ADGRE5: variants seen among roughly 807,000 people sequenced by gnomAD.
ADGRE5 encodes adhesion G protein-coupled receptor E5, also known as CD97 molecule.
A neutral mutation model predicts 100.3 loss-of-function variants in ADGRE5; 72 were observed. That is an observed-to-expected ratio of 0.72 (90% CI 0.59 to 0.87). The LOEUF (loss-of-function observed/expected upper bound fraction) is 0.87, where lower values mean the gene tolerates loss of function less well. Ranked by LOEUF, ADGRE5 falls within the 40% of genes least tolerant of loss-of-function variation. The pLI is 0.00. For missense variants in ADGRE5, 959 were observed against 1,094.7 expected, an observed-to-expected ratio of 0.88 and a Z score of 1.75; for synonymous variants, 439 against 447.8, an observed-to-expected ratio of 0.98 and a Z score of 0.25.
chr19:14,381,591 G>A, intron 1 of ADGRE5, 46 bp downstream of exon 1: 5 of 1,582,064 alleles, frequency 3.2e-6, no homozygotes, highest in Middle Eastern at 1.7e-4. Context: ...AAGCTCCAGC[G>A]GGACCCCTTG....
intron 6 of ADGRE5, 159 bp downstream of exon 6, chr19:14,397,382 C>T: frequency 8.7e-7 from 1 of 1,152,290 alleles, no homozygotes; most frequent in Non-Finnish European, 1.2e-6. Context: ...AGCAAGGGTC[C>T]TCCGGAAGGA....
In ADGRE5 at chr19:14,402,770, A is replaced by G; in HGVS notation, c.1357A>G (p.Asn453Asp). ...SAVNSIFLSH[N>D]NTKELNSPIL... ...CGTCAACTCCATCTTTCTGAGCCAC[A>G]ACAACACCAAGGAACTCAACTCCCC... The change falls in exon 12 of 20, where the codon AAC becomes GAC. Residue 453 changes from asparagine (N) to aspartate (D), a missense_variant. Around this residue, in one of 6 missense-constraint regions of ADGRE5, gnomAD observed 246 missense variants for 242.2 expected, o/e 1.02. Coordinates refer to ENST00000242786, the MANE Select transcript of ADGRE5 (RefSeq NM_078481.4). The G allele has an allele frequency of 6.2e-7, 1 of 1,614,024 alleles. No homozygotes were observed. Among genetic ancestry groups the G allele is most frequent in the Non-Finnish European group, 8.5e-7 (1 of 1,179,992 alleles).
chr19:14,392,129 T>C (rs1975622543), intron 4 of ADGRE5, among the ~76,000 whole-genome samples: 1 of 123,304 alleles, frequency 8.1e-6, no homozygotes, highest in African/African-American at 3.1e-5. Flanking sequence ...AAAAGATAGG[T>C]TGGGTGCCAT....
chr19:14,408,309 C>G lies in ADGRE5; in HGVS notation c.*188C>G. 2 of 677,668 alleles carry G rather than the reference C, an allele frequency of 3.0e-6. No individual in the cohort carries two copies. Among genetic ancestry groups the G allele is most frequent in the East Asian group, 5.4e-5 (2 of 36,734 alleles). 42.0% of individuals were successfully genotyped at this position (677,668 alleles called of 1,614,324 possible). On this transcript the variant is annotated 3_prime_UTR_variant, in exon 20 of 20. Coordinates refer to ENST00000242786, the MANE Select transcript of ADGRE5 (RefSeq NM_078481.4). The stretch of plus-strand genomic sequence containing the variant: ...TCCAGGACACCCAGTGGGGTGGAGT[C>G]GGAGCCACTGGTCCTGCTGCTGGCT...
Position 14,401,487 on chromosome 19 carries a change from C to A in ADGRE5, c.999C>A (p.Asn333Lys), listed in dbSNP as rs1264493821. Residue 333 changes from asparagine (N) to lysine (K), a missense_variant, in exon 10 of 20, where the codon AAC becomes AAA. Physicochemically the swap from Asn to Lys is moderately conservative, Grantham distance 94. This residue lies in a region of ADGRE5 where 246 missense variants were observed against 242.2 expected (regional missense o/e 1.02). Transcript: ENST00000242786. The surrounding 1 kb of genome is among the most constrained non-coding windows in gnomAD (Gnocchi z 4.1). ...TCATAGCCACCCAGCTGCTCTCAAA[C>A]CTTGAAGATATCATGAGGATCCTGG... ...RHLIATQLLSNLEDIMRILAK... is the reference protein window; with the variant it reads ...RHLIATQLLSKLEDIMRILAK... 1 of 1,614,166 alleles carries A rather than the reference C, an allele frequency of 6.2e-7. No homozygotes were observed. Among genetic ancestry groups the A allele is most frequent in the Non-Finnish European group, 8.5e-7 (1 of 1,180,020 alleles).
At chr19:14,398,859 G>A (rs1411952162) in intron 9 of ADGRE5, among the ~76,000 whole-genome samples, 1 of 146,038 alleles carries the variant, frequency 6.8e-6, no homozygotes, top group Non-Finnish European at 1.5e-5. Flanking sequence ...TTTTTTATTT[G>A]GAAACAAGGT....
At chr19:14,385,554 CCT>C (rs978149737) in intron 1 of ADGRE5, among the ~76,000 whole-genome samples, 11 of 152,126 alleles carry the variant, frequency 7.2e-5, no homozygotes, top group African/African-American at 2.2e-4. Context: ...GGGGGAACCC[CCT>C]GAGTGCTGGG....
At chr19:14,402,904 G>A (rs1976073908) in intron 12 of ADGRE5, 42 bp downstream of exon 12, 2 of 1,602,962 alleles carry the variant, frequency 1.2e-6, no homozygotes, top group Admixed American at 3.3e-5. Flanking sequence ...ATAACCCAGG[G>A]CCTTCGCACA....
At chr19:14,386,858 CAA>C (rs779869603) in intron 1 of ADGRE5, among the ~76,000 whole-genome samples, 2 of 150,978 alleles carry the variant, frequency 1.3e-5, no homozygotes, top group African/African-American at 4.9e-5. Flanking sequence ...TACAAAAATA[CAA>C]AAAAATCAGC....
At chr19:14,395,345 G>T (rs138625969) in intron 4 of ADGRE5, among the ~76,000 whole-genome samples, 144 of 151,622 alleles carry the variant, frequency 9.5e-4, no homozygotes, top group African/African-American at 3.0e-3. Context: ...AGGGTTGGAT[G>T]AAGGAGGCGG....
intron 13 of ADGRE5, chr19:14,405,391 C>T: frequency 4.7e-6 from 1 of 212,242 alleles, no homozygotes; most frequent in Non-Finnish European, 9.3e-6. Flanking sequence ...GATCTGCCCC[C>T]CCTCAGCCTC....
intron 11 of ADGRE5, among the ~76,000 whole-genome samples, chr19:14,402,219 G>A (rs932039023): frequency 6.6e-5 from 10 of 151,740 alleles, no homozygotes; most frequent in South Asian, 2.1e-4. Flanking sequence ...TGGATCACCC[G>A]AGGTCAGGAG....
intron 1 of ADGRE5, among the ~76,000 whole-genome samples, chr19:14,386,120 G>A (rs916633243): frequency 9.2e-5 from 14 of 151,862 alleles, no homozygotes; most frequent in East Asian, 2.0e-4. Context: ...AGGGCCTGGC[G>A]GCTTGTGCCA....
chr19:14,402,515 C>T lies in ADGRE5; in HGVS notation c.1184-82C>T, dbSNP rs73517817. 3.4e-3 allele frequency: 5,052 copies of T among 1,467,366 alleles called. 123 individuals carry two copies. In the African/African-American group the frequency reaches 0.056, roughly 16 times the overall value. The allele number at this position is 1,467,366 out of a possible 1,614,324, so 90.9% of individuals were successfully genotyped here. ...CGTCATCGTGGTGGACTGGCTGAGC[C>T]TGAGCTGGGTCATCTTGGGAGGGAG... is the stretch of plus-strand genomic sequence containing the variant. On this transcript the variant is annotated intron_variant, in intron 11 of 19. Transcript: ENST00000242786.
rs1222442582 is a variant in ADGRE5, at chr19:14,401,568, G to A, written c.1075+5G>A. 6.2e-7 allele frequency: 1 copy of A among 1,613,774 alleles called. No individual in the cohort carries two copies. The highest frequency in any genetic ancestry group is 8.5e-7 in the Non-Finnish European group (1 of 1,179,780). On this transcript the variant is annotated splice_donor_5th_base_variant and intron_variant, in intron 10 of 19. Transcript: ENST00000242786. This position sits in a 1 kb window ranked among gnomAD's most constrained non-coding sequence, Gnocchi z 4.1. ...ACATTTCCCCTTCGAACACAGGTGAGGCCTTGGCCTGGCCTGCCCTGCCCC... is the reference window on the plus strand; with the variant it reads ...ACATTTCCCCTTCGAACACAGGTGAAGCCTTGGCCTGGCCTGCCCTGCCCC...
chr19:14,390,149 G>C (rs1381135399), intron 3 of ADGRE5, among the ~76,000 whole-genome samples: 1 of 149,782 alleles, frequency 6.7e-6, no homozygotes, highest in Non-Finnish European at 1.5e-5. Context: ...GAGGGAAGGA[G>C]GGAGGAAGGA....
intron 1 of ADGRE5, among the ~76,000 whole-genome samples, 181 bp downstream of exon 1, chr19:14,381,726 C>T (rs1975165014): frequency 6.6e-6 from 1 of 152,192 alleles, no homozygotes; most frequent in South Asian, 2.1e-4. Flanking sequence ...GGCACCCCCA[C>T]ACCCCGGCAG....
At chr19:14,397,588 G>A in intron 6 of ADGRE5, 70 bp from the exon 7 acceptor site, 2 of 1,608,494 alleles carry the variant, frequency 1.2e-6, no homozygotes, top group Admixed American at 1.7e-5. Context: ...GAATGAGCTG[G>A]GGGCACAGAC....
rs2146378047 is a variant in ADGRE5 at position 14,406,623 on chromosome 19, A to G, written c.2048+66A>G. On this transcript the variant is annotated intron_variant, in intron 15 of 19. Transcript: ENST00000242786. This position sits in a 1 kb window ranked among gnomAD's most constrained non-coding sequence, Gnocchi z 6.0. ...GGGCCTGGGGCTCACAGGCAGTGCC[A>G]CACACAATGTCCGGCCGCCCTCCGT... 3 of 1,599,384 alleles carry G rather than the reference A, an allele frequency of 1.9e-6. No individual in the cohort carries two copies. Among genetic ancestry groups the G allele is most frequent in the East Asian group, 4.5e-5 (2 of 44,798 alleles).
Sources: gnomAD v4.1 joint callset for allele counts (sites outside exome capture counted in the v4.1 genomes callset) on GRCh38, gnomAD v4.1.1 for gene constraint, gnomAD v4.1.1 regional missense constraint, Gnocchi (gnomAD v3.1) non-coding constraint, MANE v1.5 for transcripts, NCBI Gene and HGNC (gene_info 2026-07-23, HGNC 2026-07-21) for gene names.